Variants in PCDHGA3 observed in about 807,000 individuals in gnomAD.
PCDHGA3 encodes protocadherin gamma-A3.
A neutral mutation model predicts 58.5 loss-of-function variants in PCDHGA3; 40 were observed. The ratio of observed to expected loss-of-function variants is 0.68; its 90% CI spans 0.53 to 0.89. The LOEUF is 0.89. Among genes scored for constraint, PCDHGA3 ranks in the 40% least tolerant of loss-of-function variants. The pLI is 0.00. For missense variants in PCDHGA3, 1,223 were observed against 1,195.9 expected, an observed-to-expected ratio of 1.02 and a Z score of -0.33; for synonymous variants, 530 against 525.7, an observed-to-expected ratio of 1.01 and a Z score of -0.11.
At chr5:141,393,494 C>T (rs750216965) in intron 1 of PCDHGA3, 16 of 1,613,946 alleles carry the variant, frequency 9.9e-6, no homozygotes, top group Non-Finnish European at 1.3e-5. Flanking sequence ...GCACAGTGCG[C>T]ATCCACGTGA....
intron 1 of PCDHGA3, chr5:141,417,666 G>C (rs1487166683): frequency 3.1e-5 from 28 of 917,486 alleles, no homozygotes; most frequent in Non-Finnish European, 4.2e-5. Context: ...GGGATTCCCT[G>C]CGCAGCCAAC....
chr5:141,388,407 A>G (rs2091351140), intron 1 of PCDHGA3: 6 of 1,613,878 alleles, frequency 3.7e-6, no homozygotes, highest in Middle Eastern at 3.3e-4. Flanking sequence ...ACTCAGTCCC[A>G]GTGATCATTT....
Position 141,485,392 on chromosome 5 carries a change from A to G in PCDHGA3, c.2425-9415A>G. ...AGGTCGCTGGAGAGGTGAACCAAAG[A>G]CACTTCCGTGTGGATTTGGACAGCG... On this transcript the variant is annotated intron_variant, in intron 1 of 3. Coordinates refer to ENST00000253812, the MANE Select transcript of PCDHGA3 (RefSeq NM_018916.4). This position sits in a 1 kb window ranked among gnomAD's most constrained non-coding sequence, Gnocchi z 5.7. 1 of 1,613,918 alleles carries G rather than the reference A, an allele frequency of 6.2e-7. No homozygotes were observed. The highest frequency in any genetic ancestry group is 8.5e-7 in the Non-Finnish European group (1 of 1,179,938).
At chr5:141,370,264 C>A in intron 1 of PCDHGA3, 2 of 752,616 alleles carry the variant, frequency 2.7e-6, no homozygotes, top group Non-Finnish European at 4.2e-6. Flanking sequence ...AGGCTTCCTG[C>A]AGCGGAGACA....
chr5:141,365,615 ACCCCGC>A, intron 1 of PCDHGA3: 1 of 1,613,178 alleles, frequency 6.2e-7, no homozygotes. Context: ...GGACCATGGA[ACCCCGC>A]CCCTCTCTAC....
intron 1 of PCDHGA3, among the ~76,000 whole-genome samples, chr5:141,455,460 A>G (rs1175234914): frequency 1.3e-5 from 2 of 152,186 alleles, no homozygotes; most frequent in Non-Finnish European, 2.9e-5. Flanking sequence ...GATACCAGCC[A>G]GGTATATATG....
rs1757353341 is a variant in PCDHGA3 at position 141,344,044 on chromosome 5, G to A, written c.11G>A (p.Cys4Tyr). 6.4e-7 allele frequency: 1 copy of A among 1,556,334 alleles called. No homozygotes were observed. The highest frequency in any genetic ancestry group is 1.4e-5 in the African/African-American group (1 of 72,754). Residue 4 changes from cysteine (C) to tyrosine (Y), a missense_variant, in exon 1 of 4, where the codon TGC becomes TAC. Physicochemically the swap from Cys to Tyr is radical, Grantham distance 194 (BLOSUM62 -2). Around this residue, in one of 3 missense-constraint regions of PCDHGA3, gnomAD observed 791 missense variants for 708.5 expected, o/e 1.12. Coordinates refer to ENST00000253812, the MANE Select transcript of PCDHGA3 (RefSeq NM_018916.4). MTN[C>Y]LSFRNGRGLA... ...TTCACCGAAAAGGAAATGACCAATT[G>A]CCTGAGTTTCCGAAATGGCAGAGGA...
chr5:141,352,666 G>A lies in PCDHGA3; in HGVS notation c.2424+6209G>A, dbSNP rs773765365. On this transcript the variant is annotated intron_variant, in intron 1 of 3. Transcript: ENST00000253812. ...TCGCTTATGACCCTTCTTTGTCTTC[G>A]CACGTGAGTTTCTGCAAATCTAGTT... 7.6e-6 allele frequency: 12 copies of A among 1,585,710 alleles called. No individual in the cohort carries two copies. In the Admixed American group the frequency reaches 9.1e-5, roughly 12 times the overall value.
chr5:141,383,111 G>A (rs1778825572), intron 1 of PCDHGA3: 3 of 1,614,040 alleles, frequency 1.9e-6, no homozygotes, highest in Non-Finnish European at 2.5e-6. Context: ...TCCAGAGGTA[G>A]GACGCAGCTT....
intron 1 of PCDHGA3, among the ~76,000 whole-genome samples, chr5:141,381,826 CTTTTTTTTT>C (rs770630741): frequency 5.4e-5 from 4 of 74,286 alleles, no homozygotes; most frequent in African/African-American, 2.5e-4. Flanking sequence ...CTTTCTTCTT[CTTTTTTTTT>C]TTTTTTTTTT....
In PCDHGA3 at chr5:141,512,843, T is replaced by G. The variant is rs2099884463; in HGVS notation, c.*1670T>G. ...CCCTCCCCCGTACTGACTTCTCCTATAAGCGCTTCTCTTCGCATAGTCACG... is the reference window on the plus strand; with the variant it reads ...CCCTCCCCCGTACTGACTTCTCCTAGAAGCGCTTCTCTTCGCATAGTCACG... On this transcript the variant is annotated 3_prime_UTR_variant, in exon 4 of 4. Coordinates refer to ENST00000253812, the MANE Select transcript of PCDHGA3 (RefSeq NM_018916.4). 6.6e-6 allele frequency: 1 copy of G among 152,290 alleles called. No individual in the cohort carries two copies. The highest frequency in any genetic ancestry group is 1.5e-5 in the Non-Finnish European group (1 of 68,088). 9.4% of individuals were successfully genotyped at this position (152,290 alleles called of 1,614,324 possible).
At chr5:141,384,867 C>T (rs1780607130) in intron 1 of PCDHGA3, 1 of 1,613,660 alleles carries the variant, frequency 6.2e-7, no homozygotes, top group South Asian at 1.1e-5. Context: ...CTCTGTCAGC[C>T]ACCGTCACAC....
Position 141,476,021 on chromosome 5 carries a change from C to T in PCDHGA3, c.2425-18786C>T. The T allele has an allele frequency of 7.1e-7, 1 of 1,400,498 alleles. No individual in the cohort carries two copies. The highest frequency in any genetic ancestry group is 1.4e-5 in the South Asian group (1 of 71,458). 86.8% of individuals were successfully genotyped at this position (1,400,498 alleles called of 1,614,324 possible). A position where few individuals can be genotyped will look rare whatever the true frequency, so the allele number is the denominator to read the frequency against. ...GGCATCCAGAAAGCCATGTCGGACT[C>T]GGCGCCCAGCGCCCAAGCGCTAACC... On this transcript the variant is annotated intron_variant, in intron 1 of 3. Coordinates refer to ENST00000253812, the MANE Select transcript of PCDHGA3 (RefSeq NM_018916.4). This position sits in a 1 kb window ranked among gnomAD's most constrained non-coding sequence, Gnocchi z 7.6.
rs200905776 is a variant in PCDHGA3 at position 141,345,082 on chromosome 5, C to A, written c.1049C>A (p.Thr350Lys). Residue 350 changes from threonine (T) to lysine (K), a missense_variant, in exon 1 of 4, where the codon ACG (threonine) becomes AAG (lysine). Thr to Lys is a moderately conservative substitution (Grantham distance 78). Coordinates refer to ENST00000253812, the MANE Select transcript of PCDHGA3 (RefSeq NM_018916.4). The stretch of plus-strand genomic sequence containing the variant: ...GACAATGCTCCAGAAATTACAATCA[C>A]GTCTCTCACAAGCTCAGTCCCAGAA... The part of the protein sequence containing the change: ...VNDNAPEITI[T>K]SLTSSVPEEG... 6.2e-7 allele frequency: 1 copy of A among 1,613,836 alleles called. No homozygotes were observed. Among genetic ancestry groups the A allele is most frequent in the Non-Finnish European group, 8.5e-7 (1 of 1,179,884 alleles).
chr5:141,380,795 A>C (rs1776743298), intron 1 of PCDHGA3, among the ~76,000 whole-genome samples: 1 of 152,246 alleles, frequency 6.6e-6, no homozygotes, highest in African/African-American at 2.4e-5. Context: ...GTAGAATAAG[A>C]AACAAATGTG....
Position 141,486,954 on chromosome 5 carries a change from C to T in PCDHGA3, c.2425-7853C>T, listed in dbSNP as rs764632268. 3.7e-6 allele frequency: 6 copies of T among 1,614,114 alleles called. 1 individual carries two copies. The South Asian group carries it at 6.6e-5, about 18-fold the overall frequency. On this transcript the variant is annotated intron_variant, in intron 1 of 3. Coordinates refer to ENST00000253812, the MANE Select transcript of PCDHGA3 (RefSeq NM_018916.4). The surrounding 1 kb of genome is among the most constrained non-coding windows in gnomAD (Gnocchi z 5.0). ...GCTGGCCACCTAATCACAAAGGTGA[C>T]TGCTGTGGACTTGGATTCAGGTTAC...
At chr5:141,405,357 A>G in intron 1 of PCDHGA3, 1 of 1,613,846 alleles carries the variant, frequency 6.2e-7, no homozygotes, top group Non-Finnish European at 8.5e-7. Flanking sequence ...TTTCCTATAG[A>G]AGACACCCCT....
chr5:141,431,698 ATT>A lies in PCDHGA3; in HGVS notation c.2425-63108_2425-63107del. The A allele has an allele frequency of 6.2e-7, 1 of 1,614,222 alleles. No homozygotes were observed. Among genetic ancestry groups the A allele is most frequent in the South Asian group, 1.1e-5 (1 of 91,090 alleles). ...GGGAGTTGGACCACGAGGAGTCAGG[ATT>A]CTACCAGATGGAAGTGCAAGCAATG... On this transcript the variant is annotated intron_variant, in intron 1 of 3. Transcript: ENST00000253812. The surrounding 1 kb of genome is among the most constrained non-coding windows in gnomAD (Gnocchi z 4.8).
chr5:141,345,269 C>T lies in PCDHGA3; in HGVS notation c.1236C>T (p.Arg412=), dbSNP rs767423074. 32 of 1,613,776 alleles carry T rather than the reference C, an allele frequency of 2.0e-5. No homozygotes were observed. Among genetic ancestry groups the T allele is most frequent in the Non-Finnish European group, 1.9e-5 (22 of 1,179,888 alleles). Residue 412 remains arginine, a synonymous_variant, in exon 1 of 4, where the codon CGC becomes CGT. Coordinates refer to ENST00000253812, the MANE Select transcript of PCDHGA3 (RefSeq NM_018916.4). ...YRLVTATSLD[R]EQISEYNISL... ...TAGTGACGGCCACATCCCTGGACCG[C>T]GAACAAATATCAGAATATAACATTA...
Sources: allele counts gnomAD v4.1 joint callset (sites outside exome capture counted in the v4.1 genomes callset), GRCh38; gene constraint gnomAD v4.1.1; regional missense constraint gnomAD v4.1.1; non-coding constraint Gnocchi (gnomAD v3.1); transcripts MANE v1.5; gene names NCBI Gene and HGNC (gene_info 2026-07-23, HGNC 2026-07-21).